The following PCYT1B variants were observed in gnomAD, a reference collection of about 807,000 sequenced individuals.
PCYT1B encodes phosphate cytidylyltransferase 1B, choline.
Under a neutral mutation model 26.4 loss-of-function variants are expected in PCYT1B, and 10 were observed. That is an observed-to-expected ratio of 0.38 (90% CI 0.23 to 0.64). The LOEUF is 0.64. PCYT1B is among the 30% of genes least tolerant of loss of function. The pLI is 0.56. For missense variants in PCYT1B, 161 were observed against 292.7 expected (o/e 0.55, Z 3.28); for synonymous variants, 131 against 108.4 (o/e 1.21, Z -1.29).
At chrX:24,648,003 A>G (rs1184757606), upstream of PCYT1B, among the ~76,000 whole-genome samples, 1 of 112,406 alleles carries the variant, frequency 8.9e-6, no homozygotes, top group African/African-American at 3.2e-5. Flanking sequence ...AGTTTCCTCA[A>G]GAAGTCTTGC....
In PCYT1B at chrX:24,637,509, T is replaced by TATATATATATATATATATATAA. The variant is rs779316769; in HGVS notation, c.117+9479_117+9480insTTATATATATATATATATATAT. ...AAAAAAAAATATATATATATATATA[T>TATATATATATATATATATATAA]ATAAATTAGCTGAGCGTGGTGGCGT... is the stretch of plus-strand genomic sequence containing the variant. On this transcript the variant is annotated intron_variant, in intron 1 of 7. Transcript: ENST00000379144. Among the ~76,000 whole-genome samples, 57 of 64,052 alleles carry TATATATATATATATATATATAA rather than the reference T, an allele frequency of 8.9e-4. 4 individuals are homozygous for TATATATATATATATATATATAA. Among genetic ancestry groups the TATATATATATATATATATATAA allele is most frequent in the East Asian group, 3.0e-3 (3 of 1,010 alleles). 55.6% of individuals were successfully genotyped at this position (64,052 alleles called of 115,157 possible).
At chrX:24,623,023 T>A (rs1436147326) in intron 1 of PCYT1B, among the ~76,000 whole-genome samples, 2 of 111,785 alleles carry the variant, frequency 1.8e-5, no homozygotes, top group African/African-American at 6.5e-5. Flanking sequence ...TTGTAGTGTT[T>A]ATTAGCACAT....
At chrX:24,580,801 T>C (rs1355941272) in intron 5 of PCYT1B, among the ~76,000 whole-genome samples, 2 of 111,686 alleles carry the variant, frequency 1.8e-5, no homozygotes, top group East Asian at 5.6e-4. Flanking sequence ...TGGGACAGTA[T>C]GGACAAAGCC....
intron 4 of PCYT1B, among the ~76,000 whole-genome samples, chrX:24,588,929 AG>A (rs1394339559): frequency 1.8e-5 from 2 of 111,453 alleles, no homozygotes; most frequent in Admixed American, 9.6e-5. Context: ...TTCTATTCTT[AG>A]TACTCAAACT....
intron 6 of PCYT1B, among the ~76,000 whole-genome samples, chrX:24,575,922 GTTC>G (rs1421905071): frequency 8.9e-6 from 1 of 112,225 alleles, no homozygotes; most frequent in Non-Finnish European, 1.9e-5. Flanking sequence ...CTCAGATTTT[GTTC>G]TTCTTATAGT....
At chrX:24,672,766 G>T, upstream of PCYT1B, 1 of 454,983 alleles carries the variant, frequency 2.2e-6, no homozygotes, top group Non-Finnish European at 3.8e-6. Context: ...TCAAAGATAA[G>T]CTCGGAGGAG....
At position 24,652,580 on chromosome X, in the gene PCYT1B, C is replaced by T. The variant is rs771127993; in HGVS notation, c.63+19990G>A. ...GTCTCAAAAAAAAAAAAAGTAATGACAAAAAACCGCAATTATTTTTGCACC... is the reference window on the plus strand; with the variant it reads ...GTCTCAAAAAAAAAAAAAGTAATGATAAAAAACCGCAATTATTTTTGCACC... On this transcript the variant is annotated intron_variant, in intron 1 of 7. Transcript: ENST00000379145. Among the ~76,000 whole-genome samples, 527 of 109,043 alleles carry T rather than the reference C, an allele frequency of 4.8e-3. 2 individuals are homozygous for T. Among genetic ancestry groups the T allele is most frequent in the Middle Eastern group, 0.019 (4 of 209 alleles). The allele number at this position is 109,043 out of a possible 115,157, so 94.7% of individuals were successfully genotyped here.
chrX:24,620,097 T>G (rs1229969184), intron 1 of PCYT1B, among the ~76,000 whole-genome samples: 1 of 112,279 alleles, frequency 8.9e-6, no homozygotes, highest in South Asian at 3.7e-4. Context: ...TTCTTAGAGA[T>G]GGAGACAGGT....
At chrX:24,583,168 TAA>T (rs1924258990) in intron 5 of PCYT1B, among the ~76,000 whole-genome samples, 1 of 112,361 alleles carries the variant, frequency 8.9e-6, no homozygotes, top group East Asian at 2.8e-4. Flanking sequence ...CTTCCACGAC[TAA>T]GTCAGAAGAA....
intron 2 of PCYT1B, among the ~76,000 whole-genome samples, chrX:24,613,251 G>A (rs1235868883): frequency 8.9e-6 from 1 of 112,072 alleles, no homozygotes; most frequent in Non-Finnish European, 1.9e-5. Flanking sequence ...ATGGCAACTA[G>A]TACTGTTTTT....
chrX:24,627,336 G>A (rs185453214), intron 1 of PCYT1B, among the ~76,000 whole-genome samples: 3 of 111,718 alleles, frequency 2.7e-5, no homozygotes, highest in Non-Finnish European at 3.8e-5. Flanking sequence ...AGAGCGTTTC[G>A]TTTTGTTTCG....
chrX:24,669,682 A>G (rs1053082904), intron 1 of PCYT1B, among the ~76,000 whole-genome samples: 1 of 110,075 alleles, frequency 9.1e-6, no homozygotes, highest in Non-Finnish European at 1.9e-5. Context: ...GGGAACCCAA[A>G]TTCCAGCTCT....
At chrX:24,635,279 G>A (rs903597813) in intron 1 of PCYT1B, among the ~76,000 whole-genome samples, 3 of 111,705 alleles carry the variant, frequency 2.7e-5, no homozygotes, top group African/African-American at 9.8e-5. Flanking sequence ...AGTAAAACTA[G>A]CTGCTCTAAT....
chrX:24,634,273 T>C (rs1489059686), intron 1 of PCYT1B, among the ~76,000 whole-genome samples: 4 of 111,601 alleles, frequency 3.6e-5, no homozygotes, highest in Non-Finnish European at 7.5e-5. Flanking sequence ...CCACATCAAA[T>C]ACATGAGGTA....
At chrX:24,579,006 G>A (rs1006029175) in intron 6 of PCYT1B, among the ~76,000 whole-genome samples, 1 of 110,857 alleles carries the variant, frequency 9.0e-6, no homozygotes, top group Non-Finnish European at 1.9e-5. Context: ...TAAGGACACT[G>A]CACAGGCATG....
At chrX:24,636,119 G>A (rs1431286776) in intron 1 of PCYT1B, among the ~76,000 whole-genome samples, 3 of 111,949 alleles carry the variant, frequency 2.7e-5, no homozygotes, top group African/African-American at 9.7e-5. Context: ...ACTGGCCCCT[G>A]GAAGGGCTGA....
At position 24,576,060 on chromosome X, in the gene PCYT1B, T is replaced by A. The variant is rs750825979; in HGVS notation, c.709-742A>T. Among the ~76,000 whole-genome samples, 354 of 112,438 alleles carry A rather than the reference T, an allele frequency of 3.1e-3. 2 individuals carry two copies. The highest frequency in any genetic ancestry group is 5.7e-3 in the Non-Finnish European group (306 of 53,270). Reference sequence around the variant, plus strand: ...GATAATAATCATCCCTACCTTAGGGTTGCTGTGACAATGCATGCAAAGTGC... The same window carrying A: ...GATAATAATCATCCCTACCTTAGGGATGCTGTGACAATGCATGCAAAGTGC... On this transcript the variant is annotated intron_variant, in intron 6 of 7. Transcript: ENST00000379144.
chrX:24,658,579 A>AT (rs1217956325), intron 1 of PCYT1B, among the ~76,000 whole-genome samples: 1 of 86,865 alleles, frequency 1.2e-5, no homozygotes, highest in East Asian at 3.4e-4. Flanking sequence ...GCTTTCTTCT[A>AT]TCTTCAAAGA....
chrX:24,641,631 C>T (rs1031698399), intron 1 of PCYT1B, among the ~76,000 whole-genome samples: 1 of 112,008 alleles, frequency 8.9e-6, no homozygotes, highest in Non-Finnish European at 1.9e-5. Context: ...TTAGCTAGTC[C>T]GAATTGAGAT....
Sources: gnomAD v4.1 joint callset for allele counts (sites outside exome capture counted in the v4.1 genomes callset) on GRCh38, gnomAD v4.1.1 for gene constraint, MANE v1.5 for transcripts, NCBI Gene and HGNC (gene_info 2026-07-23, HGNC 2026-07-21) for gene names.